The following SYNDIG1 variants were observed in gnomAD, a reference collection of about 807,000 sequenced individuals.
The protein encoded by SYNDIG1 is synapse differentiation-inducing gene protein 1.
In SYNDIG1, 9 loss-of-function variants were observed where a neutral mutation model predicts 19.4. That is an observed-to-expected ratio of 0.46 (90% CI 0.28 to 0.81). SYNDIG1 has a LOEUF of 0.81. Among genes scored for constraint, SYNDIG1 ranks in the 30% least tolerant of loss-of-function variants. The pLI is 0.12. For missense variants in SYNDIG1, 311 were observed against 343.3 expected, an observed-to-expected ratio of 0.91 and a Z score of 0.74; for synonymous variants, 141 against 145.9, an observed-to-expected ratio of 0.97 and a Z score of 0.24.
intron 1 of SYNDIG1, among the ~76,000 whole-genome samples, chr20:24,512,996 G>C (rs1240149437): frequency 2.0e-5 from 3 of 152,182 alleles, no homozygotes; most frequent in African/African-American, 4.8e-5. Flanking sequence ...AGCCTCCGCT[G>C]GTGATAACCA....
chr20:24,524,024 T>G (rs1217922378), intron 1 of SYNDIG1, among the ~76,000 whole-genome samples: 1 of 152,266 alleles, frequency 6.6e-6, no homozygotes, highest in Non-Finnish European at 1.5e-5. Flanking sequence ...AAGTTACTTA[T>G]TCAGACAGGC....
Position 24,569,835 on chromosome 20 carries a change from G to A in SYNDIG1, c.481-15021G>A, listed in dbSNP as rs2146934762. Among the ~76,000 whole-genome samples the A allele has an allele frequency of 2.0e-5, 3 of 152,280 alleles. No homozygotes were observed. The Middle Eastern group carries it at 0.01, about 518-fold the overall frequency. ...GATGGGTGGATAAGAGGATGAACAG[G>A]TGCACGAATAATGATAAAGTTGGTG... is the stretch of plus-strand genomic sequence containing the variant. On this transcript the variant is annotated intron_variant, in intron 2 of 3. Coordinates refer to ENST00000376862, the MANE Select transcript of SYNDIG1 (RefSeq NM_024893.3).
chr20:24,546,403 T>G (rs1290692870), intron 2 of SYNDIG1, among the ~76,000 whole-genome samples: 7 of 152,236 alleles, frequency 4.6e-5, no homozygotes, highest in African/African-American at 1.7e-4. Context: ...GGTCGGCAAT[T>G]GAGCTGGGCT....
chr20:24,493,298 A>G (rs763953738), intron 1 of SYNDIG1, among the ~76,000 whole-genome samples: 3 of 152,226 alleles, frequency 2.0e-5, no homozygotes, highest in Non-Finnish European at 4.4e-5. Flanking sequence ...ATGTGCACAC[A>G]TCCACATGCA....
chr20:24,605,094 G>A (rs558534250), intron 3 of SYNDIG1, among the ~76,000 whole-genome samples: 1 of 152,184 alleles, frequency 6.6e-6, no homozygotes. Flanking sequence ...AACCTGTGCT[G>A]GGGTCCAGGA....
chr20:24,637,404 G>A (rs752028292), intron 3 of SYNDIG1, among the ~76,000 whole-genome samples: 7 of 152,124 alleles, frequency 4.6e-5, no homozygotes, highest in South Asian at 2.1e-4. Context: ...AAAAGCAGTG[G>A]CATTGGAGAG....
At chr20:24,578,441 CAAAA>C (rs11087470) in intron 2 of SYNDIG1, among the ~76,000 whole-genome samples, 1 of 118,348 alleles carries the variant, frequency 8.4e-6, no homozygotes. Flanking sequence ...GACTCTGTAT[CAAAA>C]AAAAAAAAAA....
rs556294012 is a variant in SYNDIG1, at chr20:24,485,003, GGTT to G, written c.-79+15254_-79+15256del. Among the ~76,000 whole-genome samples, 137 of 152,278 alleles carry G rather than the reference GGTT, an allele frequency of 9.0e-4. 1 individual carries two copies. The highest frequency in any genetic ancestry group is 3.2e-3 in the African/African-American group (132 of 41,554). The stretch of plus-strand genomic sequence containing the variant: ...CTGGATTAGCGCTCCAGCCAGAGCA[GGTT>G]GTTATAAAGCAAGGTTCCTCCTTCT... On this transcript the variant is annotated intron_variant, in intron 1 of 3. Coordinates refer to ENST00000376862, the MANE Select transcript of SYNDIG1 (RefSeq NM_024893.3).
At chr20:24,531,847 C>T (rs532302708) in intron 1 of SYNDIG1, among the ~76,000 whole-genome samples, 54 of 152,208 alleles carry the variant, frequency 3.5e-4, no homozygotes, top group Non-Finnish European at 6.6e-4. Flanking sequence ...CTGGTTTATT[C>T]TGCTGGGACA....
At chr20:24,623,964 A>C (rs986411857) in intron 3 of SYNDIG1, among the ~76,000 whole-genome samples, 10 of 152,222 alleles carry the variant, frequency 6.6e-5, no homozygotes, top group Admixed American at 1.3e-4. Context: ...CTGGAGTTTT[A>C]AAAATGAGAC....
chr20:24,609,797 G>T (rs1278217577), intron 3 of SYNDIG1, among the ~76,000 whole-genome samples: 1 of 152,094 alleles, frequency 6.6e-6, no homozygotes, highest in African/African-American at 2.4e-5. Flanking sequence ...AGCTCACTGT[G>T]CAAGGCCCAA....
intron 3 of SYNDIG1, among the ~76,000 whole-genome samples, chr20:24,626,948 C>T (rs983967532): frequency 1.3e-5 from 2 of 152,146 alleles, no homozygotes; most frequent in Non-Finnish European, 2.9e-5. Context: ...TGGCGGCGCG[C>T]GCCTGCAATC....
chr20:24,651,066 G>C (rs1183453008), intron 3 of SYNDIG1, among the ~76,000 whole-genome samples: 3 of 152,158 alleles, frequency 2.0e-5, no homozygotes, highest in Non-Finnish European at 2.9e-5. Flanking sequence ...TCGAACTCCT[G>C]AGCTCAGGCA....
chr20:24,646,418 C>T (rs563021697), intron 3 of SYNDIG1, among the ~76,000 whole-genome samples: 11 of 152,274 alleles, frequency 7.2e-5, no homozygotes, highest in African/African-American at 2.6e-4. Context: ...AGATCTCTCA[C>T]GAGTAGATGA....
intron 1 of SYNDIG1, among the ~76,000 whole-genome samples, chr20:24,508,604 G>A (rs746737817): frequency 2.0e-5 from 3 of 152,180 alleles, no homozygotes; most frequent in East Asian, 1.9e-4. Context: ...TTAAACAAAC[G>A]TTTAAATGAA....
chr20:24,652,461 T>C (rs1195710285), intron 3 of SYNDIG1, among the ~76,000 whole-genome samples: 1 of 152,256 alleles, frequency 6.6e-6, no homozygotes, highest in African/African-American at 2.4e-5. Context: ...AGAAGAGGCT[T>C]CTGCCTGTCC....
intron 1 of SYNDIG1, among the ~76,000 whole-genome samples, chr20:24,477,007 G>A (rs979770471): frequency 3.9e-5 from 6 of 152,158 alleles, no homozygotes; most frequent in Non-Finnish European, 7.4e-5. Flanking sequence ...ATATATTTGA[G>A]GACATCACAG....
chr20:24,576,249 T>C (rs2058226174), intron 2 of SYNDIG1, among the ~76,000 whole-genome samples: 1 of 152,216 alleles, frequency 6.6e-6, no homozygotes, highest in African/African-American at 2.4e-5. Context: ...CTAGAAAATC[T>C]GGTGTTTTTG....
intron 3 of SYNDIG1, among the ~76,000 whole-genome samples, chr20:24,654,699 A>G (rs900458655): frequency 2.0e-5 from 3 of 149,526 alleles, no homozygotes; most frequent in African/African-American, 7.4e-5. Context: ...GAAGGAAGGA[A>G]GAGTTAGAGA....
Sources: gnomAD v4.1 joint callset for allele counts (sites outside exome capture counted in the v4.1 genomes callset) on GRCh38, gnomAD v4.1.1 for gene constraint, MANE v1.5 for transcripts, NCBI Gene and HGNC (gene_info 2026-07-23, HGNC 2026-07-21) for gene names.